Variants in TM6SF2 observed in about 807,000 individuals in gnomAD.
TM6SF2 encodes transmembrane 6 superfamily member 2.
A neutral mutation model predicts 41.0 loss-of-function variants in TM6SF2; 29 were observed. The ratio of observed to expected loss-of-function variants is 0.71; its 90% CI spans 0.53 to 0.96. The LOEUF (loss-of-function observed/expected upper bound fraction) is 0.96. Ranked by LOEUF, TM6SF2 falls within the 50% of genes least tolerant of loss-of-function variation. TM6SF2 has a pLI of 0.00. For synonymous variants in TM6SF2, 200 were observed against 209.1 expected (o/e 0.96, Z 0.37); for missense variants, 475 against 499.0 (o/e 0.95, Z 0.46).
rs1425591308 is a variant in TM6SF2, at chr19:19,264,890, G to A, written c.925-17C>T. 4.0e-6 allele frequency: 6 copies of A among 1,518,736 alleles called. No homozygotes were observed. In the South Asian group the frequency reaches 7.6e-5, roughly 19 times the overall value. The allele number at this position is 1,518,736 out of a possible 1,614,324, so 94.1% of individuals were successfully genotyped here. On this transcript the variant is annotated splice_polypyrimidine_tract_variant and intron_variant, in intron 9 of 9. Coordinates refer to ENST00000389363, the MANE Select transcript of TM6SF2 (RefSeq NM_001001524.3). Reference sequence around the variant, plus strand: ...GAACTGTGCCTGGTAGCCAGACAGGGAAGATGGATGTCAGGGGCCAGGAAG... The same window carrying A: ...GAACTGTGCCTGGTAGCCAGACAGGAAAGATGGATGTCAGGGGCCAGGAAG...
rs575867088 is a variant in TM6SF2, at chr19:19,269,842, A to G, written c.402-73T>C. ...TCAGAGCCCCAGCCAGGGCCTGGAG[A>G]CCACCGTGGGTTTCCCAGCTCCGGG... On this transcript the variant is annotated intron_variant, in intron 4 of 9. Coordinates refer to ENST00000389363, the MANE Select transcript of TM6SF2 (RefSeq NM_001001524.3). The G allele has an allele frequency of 3.7e-6, 6 of 1,606,708 alleles. No homozygotes were observed. The East Asian group carries it at 8.9e-5, about 24-fold the overall frequency.
In TM6SF2 at chr19:19,269,780, G is replaced by A; in HGVS notation, c.402-11C>T. On this transcript the variant is annotated splice_polypyrimidine_tract_variant and intron_variant, in intron 4 of 9. Transcript: ENST00000389363. ...TTCCGGTATCTCTTCCTGAGCAGGG[G>A]ATGGAGGGGTGACCAGCAGGTAGTC... 1.2e-6 allele frequency: 2 copies of A among 1,614,064 alleles called. No individual in the cohort carries two copies. Among genetic ancestry groups the A allele is most frequent in the Non-Finnish European group, 1.7e-6 (2 of 1,179,990 alleles).
intron 9 of TM6SF2, among the ~76,000 whole-genome samples, chr19:19,265,218 T>C (rs1428922283): frequency 6.6e-6 from 1 of 151,904 alleles, no homozygotes; most frequent in Non-Finnish European, 1.5e-5. Flanking sequence ...AGTTAATTTT[T>C]TGTATTTTTA....
In TM6SF2 at chr19:19,270,332, G is replaced by T. The variant is rs370418517; in HGVS notation, c.297+13C>A. ...CAGTGCGGTAGGGGGCTCCCTGGTC[G>T]TCCCCCAAGTACCTCCTTGGTGTAG... On this transcript the variant is annotated intron_variant, in intron 3 of 9. Transcript: ENST00000389363. 1 of 1,614,074 alleles carries T rather than the reference G, an allele frequency of 6.2e-7. No individual in the cohort carries two copies. Among genetic ancestry groups the T allele is most frequent in the Non-Finnish European group, 8.5e-7 (1 of 1,179,932 alleles).
In TM6SF2 at chr19:19,273,284, C is replaced by T. The variant is rs903199489; in HGVS notation, c.-69G>A. The T allele has an allele frequency of 6.7e-6, 8 of 1,201,968 alleles. No homozygotes were observed. In the African/African-American group the frequency reaches 9.6e-5, roughly 14 times the overall value. 74.5% of individuals were successfully genotyped at this position (1,201,968 alleles called of 1,614,324 possible). On this transcript the variant is annotated 5_prime_UTR_variant, in exon 1 of 10. Transcript: ENST00000389363. ...AGGGCGCTCGGCTCCTCGTTGGCGG[C>T]GAGTCCGGGCCGAGGCTGCCAGGGA...
intron 6 of TM6SF2, 97 bp from the exon 7 acceptor site, chr19:19,268,184 CTTTTTTTCT>C (rs1323891098): frequency 2.4e-4 from 168 of 711,592 alleles, no homozygotes; most frequent in South Asian, 2.3e-3. Context: ...TCCCTTCTTT[CTTTTTTTCT>C]TTTTTTTCTT....
At chr19:19,273,061 T>TTTGG in intron 1 of TM6SF2, 60 bp downstream of exon 1, 1 of 305,470 alleles carries the variant, frequency 3.3e-6, no homozygotes, top group Non-Finnish European at 6.1e-6. Context: ...CCTCCAGTCC[T>TTTGG]CCCCGCCCCC....
chr19:19,267,938 AGGGAGACTGGTGGCAGGGGAGG>A, intron 7 of TM6SF2, 26 bp downstream of exon 7: 1 of 1,416,466 alleles, frequency 7.1e-7, no homozygotes, highest in South Asian at 1.2e-5. Flanking sequence ...GGGTCAGGGA[AGGGAGACTGGTGGCAGGGGAGG>A]GGGAGACCAA....
rs758699207 is a variant in TM6SF2 at position 19,268,640 on chromosome 19, G to A, written c.599C>T (p.Thr200Ile). 11 of 1,585,076 alleles carry A rather than the reference G, an allele frequency of 6.9e-6. No individual in the cohort carries two copies. Among genetic ancestry groups the A allele is most frequent in the Admixed American group, 3.9e-5 (2 of 51,350 alleles). ...GGGTAAGGCACTCACCATGTTGGCG[G>A]TGCAGCGGGTTAGCGCCCGGGGCTG... ...FSQPRALTRC[T>I]ANMVQEEQRK... is the part of the protein sequence containing the mutation. The change falls in exon 6 of 10, where the codon ACC becomes ATC. Residue 200 changes from threonine (T) to isoleucine (I), a missense_variant. This residue lies in a region of TM6SF2 where 47 missense variants were observed against 80.3 expected (regional missense o/e 0.59). Transcript: ENST00000389363.
intron 6 of TM6SF2, 118 bp downstream of exon 6, chr19:19,268,512 C>A (rs1325095937): frequency 1.5e-5 from 21 of 1,421,682 alleles, no homozygotes; most frequent in Middle Eastern, 2.6e-4. Flanking sequence ...CCAGCCCTCC[C>A]TTCTTTCTTG....
intron 4 of TM6SF2, 158 bp from the exon 5 acceptor site, chr19:19,269,927 G>A (rs1045169491): frequency 2.0e-6 from 3 of 1,507,426 alleles, no homozygotes; most frequent in Admixed American, 4.4e-5. Flanking sequence ...GGAAATAACA[G>A]TGAGACCCTC....
At chr19:19,273,047 C>G in intron 1 of TM6SF2, 74 bp downstream of exon 1, 2 of 1,083,292 alleles carry the variant, frequency 1.8e-6, no homozygotes. Flanking sequence ...CTCCCTCCAG[C>G]CCACCTCCAG....
At chr19:19,270,301 G>C (rs1428197608) in intron 3 of TM6SF2, 25 bp from the exon 4 acceptor site, 5 of 1,614,210 alleles carry the variant, frequency 3.1e-6, no homozygotes, top group Non-Finnish European at 4.2e-6. Flanking sequence ...GGGAGACTCA[G>C]ACGGGCAGTG....
chr19:19,273,212 C>T lies in TM6SF2; in HGVS notation c.4G>A (p.Asp2Asn), dbSNP rs775200974. ...ATCTTGCCGGCCAGCGGCGGGATGTCCATAGCGGCGGCTGCTGGACCCCGG... is the reference window on the plus strand; with the variant it reads ...ATCTTGCCGGCCAGCGGCGGGATGTTCATAGCGGCGGCTGCTGGACCCCGG... M[D>N]IPPLAGKIAA... Residue 2 changes from aspartate (D) to asparagine (N), a missense_variant, in exon 1 of 10, where the codon GAC becomes AAC. This residue lies in a region of TM6SF2 where 238 missense variants were observed against 228.6 expected (regional missense o/e 1.04). Coordinates refer to ENST00000389363, the MANE Select transcript of TM6SF2 (RefSeq NM_001001524.3). 1,211 of 1,421,524 alleles carry T rather than the reference C, an allele frequency of 8.5e-4. 27 individuals are homozygous for T. The highest frequency in any genetic ancestry group is 3.9e-5 in the Non-Finnish European group (43 of 1,088,752). 88.1% of individuals were successfully genotyped at this position (1,421,524 alleles called of 1,614,324 possible).
chr19:19,267,569 G>A, intron 8 of TM6SF2, 52 bp downstream of exon 8: 1 of 1,396,864 alleles, frequency 7.2e-7, no homozygotes, highest in Non-Finnish European at 1.0e-6. Flanking sequence ...AAGAGGCCCA[G>A]TGGACCCCTA....
At position 19,268,103 on chromosome 19, in the gene TM6SF2, G is replaced by C; in HGVS notation, c.610-16C>G. 3 of 1,591,688 alleles carry C rather than the reference G, an allele frequency of 1.9e-6. No homozygotes were observed. Among genetic ancestry groups the C allele is most frequent in the Non-Finnish European group, 2.6e-6 (3 of 1,161,392 alleles). On this transcript the variant is annotated splice_polypyrimidine_tract_variant and intron_variant, in intron 6 of 9. Transcript: ENST00000389363. ...CCTCTTGCACCTGGCCCAGGGGAGA[G>C]AAACAGACAGCATGAGAGGTAGTCA... is the stretch of plus-strand genomic sequence containing the variant.
At position 19,270,237 on chromosome 19, in the gene TM6SF2, A is replaced by C. The variant is rs772662650; in HGVS notation, c.337T>G (p.Cys113Gly). Residue 113 changes from cysteine to glycine, a missense_variant, in exon 4 of 10, where the codon TGC becomes GGC. Cys to Gly is a radical substitution (Grantham distance 159). Coordinates refer to ENST00000389363, the MANE Select transcript of TM6SF2 (RefSeq NM_001001524.3). ...TAGTGAACAGTGCCATCCCAGTAGC[A>C]GATGAAGACTCCGTGCGCTGTGCGC... Reference protein sequence around the residue: ...YLRTAHGVFICYWDGTVHYLL... With the variant: ...YLRTAHGVFIGYWDGTVHYLL... The C allele has an allele frequency of 6.2e-7, 1 of 1,614,222 alleles. No individual in the cohort carries two copies. Among genetic ancestry groups the C allele is most frequent in the Admixed American group, 1.7e-5 (1 of 60,032 alleles).
At chr19:19,266,396 T>A in intron 9 of TM6SF2, 94 bp downstream of exon 9, 1 of 1,543,620 alleles carries the variant, frequency 6.5e-7, no homozygotes, top group Non-Finnish European at 8.8e-7. Flanking sequence ...TGGGGGCTCA[T>A]CATTACAGTG....
In TM6SF2 at chr19:19,266,552, T is replaced by C. The variant is rs1037737292; in HGVS notation, c.862A>G (p.Thr288Ala). Residue 288 changes from threonine (T) to alanine (A), a missense_variant, in exon 9 of 10, where the codon ACC becomes GCC. Around this residue, in one of 3 missense-constraint regions of TM6SF2, gnomAD observed 190 missense variants for 190.2 expected, o/e 1.00. Transcript: ENST00000389363. Reference sequence around the variant, plus strand: ...GGAAGCCAGGAGCAACCAGGGAAGGTGAGAGCATAGGCAGCCAGGCCGCAG... The same window carrying C: ...GGAAGCCAGGAGCAACCAGGGAAGGCGAGAGCATAGGCAGCCAGGCCGCAG... ...PFCGLAAYAL[T>A]FPGCSWLPDW... 2 of 1,613,736 alleles carry C rather than the reference T, an allele frequency of 1.2e-6. No individual in the cohort carries two copies. Among genetic ancestry groups the C allele is most frequent in the Non-Finnish European group, 1.7e-6 (2 of 1,179,896 alleles).
Sources: gnomAD v4.1 joint callset for allele counts (sites outside exome capture counted in the v4.1 genomes callset) on GRCh38, gnomAD v4.1.1 for gene constraint, gnomAD v4.1.1 regional missense constraint, MANE v1.5 for transcripts, NCBI Gene and HGNC (gene_info 2026-07-23, HGNC 2026-07-21) for gene names.